Variants in CSMD1 observed in about 807,000 individuals in gnomAD.
CSMD1 encodes the protein CUB and Sushi multiple domains 1.
CSMD1 carries 213 observed loss-of-function variants against 417.5 expected under a neutral mutation model. That is an observed-to-expected ratio of 0.51 (90% CI 0.46 to 0.57). The LOEUF (loss-of-function observed/expected upper bound fraction) is 0.57. CSMD1 is among the 20% of genes least tolerant of loss of function. The pLI, the probability that CSMD1 is intolerant of heterozygous loss-of-function variation, is 0.00. For synonymous variants in CSMD1, 2,862 were observed against 1,736.8 expected (o/e 1.65, Z -16.11); for missense variants, 6,923 against 4,529.7 (o/e 1.53, Z -15.17).
At chr8:3,426,199 G>A (rs576794573) in intron 12 of CSMD1, among the ~76,000 whole-genome samples, 23 of 152,302 alleles carry the variant, frequency 1.5e-4, no homozygotes, top group African/African-American at 2.4e-4. Flanking sequence ...GTGAGGAGCT[G>A]TATTAGAATC....
intron 23 of CSMD1, among the ~76,000 whole-genome samples, chr8:3,315,339 A>AATTTCCTGAAATGTGTGATT (rs375118774): frequency 2.6e-5 from 4 of 151,538 alleles, no homozygotes; most frequent in Non-Finnish European, 2.9e-5. Flanking sequence ...ATTAATAATG[A>AATTTCCTGAAATGTGTGATT]ATTTCCTGAA....
At chr8:3,574,712 A>C (rs575536028) in intron 10 of CSMD1, among the ~76,000 whole-genome samples, 2 of 152,354 alleles carry the variant, frequency 1.3e-5, no homozygotes, top group South Asian at 4.1e-4. Flanking sequence ...AGGAATGTAG[A>C]CTTTCTCTCC....
chr8:4,192,929 A>G lies in CSMD1; in HGVS notation c.416-160830T>C, dbSNP rs143611073. ...GGACATACTCACTTTACCTAAGAGTATTTTCTGTACGTGGTGCTACCCTTC... is the reference window on the plus strand; with the variant it reads ...GGACATACTCACTTTACCTAAGAGTGTTTTCTGTACGTGGTGCTACCCTTC... On this transcript the variant is annotated intron_variant, in intron 3 of 69. Transcript: ENST00000635120. Among the ~76,000 whole-genome samples the G allele has an allele frequency of 2.0e-3, 312 of 152,224 alleles. 7 individuals are homozygous for G. The highest frequency in any genetic ancestry group is 5.3e-4 in the Non-Finnish European group (36 of 68,014).
intron 1 of CSMD1, among the ~76,000 whole-genome samples, chr8:4,935,604 ATT>A (rs1272239691): frequency 6.6e-6 from 1 of 152,126 alleles, no homozygotes; most frequent in African/African-American, 2.4e-5. Context: ...GCCTATTTTC[ATT>A]TGCTCTCATT....
At chr8:4,036,304 T>G (rs1652833223) in intron 3 of CSMD1, among the ~76,000 whole-genome samples, 1 of 151,464 alleles carries the variant, frequency 6.6e-6, no homozygotes, top group East Asian at 2.0e-4. Flanking sequence ...AGCCTCCCAC[T>G]TTATCATCTA....
At chr8:3,309,269 GC>G (rs1805138300) in intron 23 of CSMD1, among the ~76,000 whole-genome samples, 1 of 151,924 alleles carries the variant, frequency 6.6e-6, no homozygotes, top group Non-Finnish European at 1.5e-5. Flanking sequence ...GTCAAGACCC[GC>G]CCACCTTCCC....
chr8:4,350,352 A>C (rs527266170), intron 3 of CSMD1, among the ~76,000 whole-genome samples: 5 of 152,302 alleles, frequency 3.3e-5, no homozygotes, highest in African/African-American at 1.2e-4. Flanking sequence ...ACTGTGAACC[A>C]AGAAATGGAG....
At chr8:4,147,238 G>T (rs1437671587) in intron 3 of CSMD1, among the ~76,000 whole-genome samples, 2 of 152,008 alleles carry the variant, frequency 1.3e-5, no homozygotes, top group African/African-American at 2.4e-5. Context: ...TTTGACTGCT[G>T]CCTACCTCGA....
chr8:3,379,992 C>A (rs1412234124), intron 18 of CSMD1, among the ~76,000 whole-genome samples: 2 of 152,082 alleles, frequency 1.3e-5, no homozygotes, highest in Non-Finnish European at 2.9e-5. Flanking sequence ...GCAATCTATC[C>A]ATCTGACAAA....
intron 2 of CSMD1, among the ~76,000 whole-genome samples, chr8:4,585,005 A>T (rs1563310069): frequency 1.3e-5 from 2 of 152,020 alleles, no homozygotes; most frequent in Non-Finnish European, 2.9e-5. Flanking sequence ...CCAGACTCTC[A>T]AATTATTTGT....
intron 10 of CSMD1, among the ~76,000 whole-genome samples, chr8:3,573,965 G>C (rs1800044402): frequency 6.6e-6 from 1 of 151,826 alleles, no homozygotes; most frequent in African/African-American, 2.4e-5. Flanking sequence ...AACTTAAAAG[G>C]AGTTAAAAAA....
At chr8:3,502,229 G>C (rs1029485892) in intron 10 of CSMD1, among the ~76,000 whole-genome samples, 4 of 151,928 alleles carry the variant, frequency 2.6e-5, no homozygotes, top group African/African-American at 4.8e-5. Context: ...GCCGGGCATG[G>C]TGGTGGGCGC....
intron 2 of CSMD1, among the ~76,000 whole-genome samples, chr8:4,543,001 T>C (rs902041344): frequency 5.9e-5 from 9 of 152,170 alleles, no homozygotes; most frequent in South Asian, 2.1e-4. Context: ...TGATAGTCTA[T>C]ATTTTAGAGT....
chr8:3,029,484 G>A lies in CSMD1; in HGVS notation c.7690C>T (p.Leu2564Phe). The change falls in exon 51 of 70, where the codon CTC becomes TTC. Residue 2564 changes from leucine (L) to phenylalanine (F), a missense_variant. Leu to Phe is a conservative substitution (Grantham distance 22). Transcript: ENST00000635120. The stretch of plus-strand genomic sequence containing the variant: ...AGCCTCCAGATGACATGTTCTGAGA[G>A]CTGAGCTTCAATGCTGGGGCAAGCG... The part of the protein sequence containing the change: ...PVACPSIEAQ[L>F]SEHVIWRLVS... The A allele has an allele frequency of 6.2e-7, 1 of 1,603,398 alleles. No homozygotes were observed. The highest frequency in any genetic ancestry group is 8.5e-7 in the Non-Finnish European group (1 of 1,174,974).
chr8:3,813,479 G>T (rs951800676), intron 5 of CSMD1, among the ~76,000 whole-genome samples: 1 of 152,014 alleles, frequency 6.6e-6, no homozygotes, highest in African/African-American at 2.4e-5. Flanking sequence ...GTATCTTTTG[G>T]ACTTTTATGT....
At chr8:3,419,790 A>T (rs1273381140) in intron 12 of CSMD1, among the ~76,000 whole-genome samples, 2 of 152,234 alleles carry the variant, frequency 1.3e-5, no homozygotes, top group East Asian at 3.8e-4. Context: ...TCATCAATAC[A>T]GTTTTGCATA....
At chr8:3,655,659 G>GTT (rs11293138) in intron 7 of CSMD1, among the ~76,000 whole-genome samples, 39 of 139,576 alleles carry the variant, frequency 2.8e-4, no homozygotes, top group African/African-American at 6.6e-4. Flanking sequence ...TGGAGGTTGC[G>GTT]TTTTTTTTTT....
chr8:4,613,248 T>G (rs1801283250), intron 2 of CSMD1, among the ~76,000 whole-genome samples: 1 of 152,180 alleles, frequency 6.6e-6, no homozygotes, highest in African/African-American at 2.4e-5. Context: ...TTGTTTGTAT[T>G]TAAATGACAG....
chr8:3,382,698 C>G (rs1401239905), intron 18 of CSMD1, among the ~76,000 whole-genome samples: 2 of 149,936 alleles, frequency 1.3e-5, no homozygotes, highest in Admixed American at 1.3e-4. Context: ...GATCTGTTGG[C>G]TTATTAGTGT....
Sources: allele counts gnomAD v4.1 joint callset (sites outside exome capture counted in the v4.1 genomes callset), GRCh38; gene constraint gnomAD v4.1.1; transcripts MANE v1.5; gene names NCBI Gene and HGNC (gene_info 2026-07-23, HGNC 2026-07-21).